NRXN3: variants seen among roughly 807,000 people sequenced by gnomAD.
NRXN3 encodes the protein neurexin 3, also known as neurexin III.
NRXN3 carries 32 observed loss-of-function variants against 137.6 expected under a neutral mutation model. The observed-to-expected ratio is 0.23, with a 90% CI of 0.18 to 0.31. The LOEUF (loss-of-function observed/expected upper bound fraction) is 0.31, where lower values mean the gene tolerates loss of function less well. Among genes scored for constraint, NRXN3 ranks in the 10% least tolerant of loss-of-function variants. The probability of loss-of-function intolerance (pLI) is 1.00; values close to 1 mark genes in which losing one functional copy is unlikely to be tolerated. For synonymous variants in NRXN3, 798 were observed against 784.5 expected (o/e 1.02, Z -0.29); for missense variants, 1,574 against 2,062.5 (o/e 0.76, Z 4.59).
At chr14:79,745,225 G>T (rs546210675) in intron 19 of NRXN3, among the ~76,000 whole-genome samples, 1 of 152,182 alleles carries the variant, frequency 6.6e-6, no homozygotes, top group East Asian at 1.9e-4. Flanking sequence ...GCCATCCTCA[G>T]AAATAGGCTC....
At chr14:78,880,769 G>T (rs1036703074) in intron 10 of NRXN3, among the ~76,000 whole-genome samples, 14 of 152,022 alleles carry the variant, frequency 9.2e-5, no homozygotes, top group Non-Finnish European at 1.8e-4. Flanking sequence ...ATGTATTTAC[G>T]CATATGGTAC....
At chr14:78,692,672 T>C (rs1216284191) in intron 6 of NRXN3, among the ~76,000 whole-genome samples, 1 of 152,196 alleles carries the variant, frequency 6.6e-6, no homozygotes, top group Non-Finnish European at 1.5e-5. Flanking sequence ...CATAAAAGCT[T>C]TGTGAGCTTG....
At chr14:79,544,028 T>G (rs1235520104) in intron 16 of NRXN3, among the ~76,000 whole-genome samples, 1 of 152,194 alleles carries the variant, frequency 6.6e-6, no homozygotes, top group Non-Finnish European at 1.5e-5. Context: ...AATGCAAATG[T>G]TGAAACATTG....
intron 15 of NRXN3, among the ~76,000 whole-genome samples, chr14:79,238,717 G>A (rs1319099542): frequency 1.3e-5 from 2 of 152,216 alleles, no homozygotes; most frequent in East Asian, 3.9e-4. Flanking sequence ...CGGCTTCTAA[G>A]GCAGGTGGTT....
chr14:78,608,841 T>A (rs2152460898), intron 4 of NRXN3, among the ~76,000 whole-genome samples: 1 of 152,224 alleles, frequency 6.6e-6, no homozygotes, highest in East Asian at 1.9e-4. Context: ...GATTTAGACA[T>A]GGGGATCACT....
At position 79,861,913 on chromosome 14, in the gene NRXN3, G is replaced by A. The variant is rs754484520; in HGVS notation, c.4665G>A (p.Ser1555=). Residue 1555 remains serine (S), a synonymous_variant, in exon 21 of 21, where the codon TCG becomes TCA. Transcript: ENST00000335750. The surrounding 1 kb of genome is among the most constrained non-coding windows in gnomAD (Gnocchi z 5.4). ...GTLMKEKQQS[S]KSGHKKQKNK... is the part of the protein sequence containing the mutation. The stretch of plus-strand genomic sequence containing the variant: ...TCATGAAGGAGAAGCAGCAGAGCTC[G>A]AAGAGCGGCCACAAGAAACAGAAAA... 13 of 1,613,744 alleles carry A rather than the reference G, an allele frequency of 8.1e-6. No individual in the cohort carries two copies. The highest frequency in any genetic ancestry group is 3.3e-5 in the South Asian group (3 of 91,066).
At chr14:79,733,039 TTGTCATAAATCTACTACTGTGACAAAAC>T (rs1423896297) in intron 19 of NRXN3, among the ~76,000 whole-genome samples, 1 of 151,910 alleles carries the variant, frequency 6.6e-6, no homozygotes, top group African/African-American at 2.4e-5. Flanking sequence ...AATTAAATCT[TTGTCATAAATCTACTACTGTGACAAAAC>T]TGCAAAATAT....
At chr14:79,094,719 C>T (rs1216208962) in intron 15 of NRXN3, among the ~76,000 whole-genome samples, 1 of 151,996 alleles carries the variant, frequency 6.6e-6, no homozygotes, top group Non-Finnish European at 1.5e-5. Context: ...TTTTGAATGA[C>T]AGTAAATATC....
At chr14:79,721,038 A>G (rs74063999) in intron 19 of NRXN3, among the ~76,000 whole-genome samples, 5,341 of 152,224 alleles carry the variant, frequency 0.035, 311 homozygotes, top group African/African-American at 0.12. Context: ...TTATCTGTAT[A>G]TGAGTTCTAT....
At chr14:79,683,504 C>T (rs2098680833) in intron 17 of NRXN3, among the ~76,000 whole-genome samples, 1 of 152,142 alleles carries the variant, frequency 6.6e-6, no homozygotes, top group African/African-American at 2.4e-5. Context: ...TTAAAGAGAC[C>T]TGCCTGTGTT....
chr14:78,572,365 G>T (rs2096897584), intron 4 of NRXN3, among the ~76,000 whole-genome samples: 1 of 152,150 alleles, frequency 6.6e-6, no homozygotes, highest in African/African-American at 2.4e-5. Context: ...CATAGCCACT[G>T]GGTAGCCCAT....
intron 15 of NRXN3, among the ~76,000 whole-genome samples, chr14:79,372,011 A>G (rs567249108): frequency 4.3e-4 from 66 of 152,306 alleles, no homozygotes; most frequent in Non-Finnish European, 7.5e-4. Context: ...ACTTTACTTC[A>G]TTTGTTGAAC....
At chr14:78,723,794 ATT>A (rs4016660) in intron 8 of NRXN3, among the ~76,000 whole-genome samples, 110,463 of 151,898 alleles carry the variant, frequency 0.73, 40,566 homozygotes, top group Admixed American at 0.79. Context: ...TTTTTACTCC[ATT>A]TTTTTTTTTC....
chr14:78,432,601 A>G (rs2093928135), intron 4 of NRXN3, among the ~76,000 whole-genome samples: 1 of 152,224 alleles, frequency 6.6e-6, no homozygotes, highest in African/African-American at 2.4e-5. Flanking sequence ...GCAAGCTCCT[A>G]TGCCTCAGGT....
At chr14:79,553,955 G>A (rs2097401507) in intron 16 of NRXN3, among the ~76,000 whole-genome samples, 1 of 152,132 alleles carries the variant, frequency 6.6e-6, no homozygotes, top group Admixed American at 6.6e-5. Flanking sequence ...TTCTGCTGCA[G>A]GGTTAATTTA....
At chr14:78,705,320 G>T (rs1016002828) in intron 6 of NRXN3, among the ~76,000 whole-genome samples, 1 of 152,186 alleles carries the variant, frequency 6.6e-6, no homozygotes, top group African/African-American at 2.4e-5. Context: ...CTTGTAAGGG[G>T]GTCCAGCAGG....
At chr14:79,027,852 C>A (rs2099601123) in intron 15 of NRXN3, among the ~76,000 whole-genome samples, 1 of 152,154 alleles carries the variant, frequency 6.6e-6, no homozygotes, top group African/African-American at 2.4e-5. Context: ...CCCTCTTCCC[C>A]TCTTCCCCCA....
intron 19 of NRXN3, among the ~76,000 whole-genome samples, chr14:79,783,887 G>A (rs778360221): frequency 1.6e-4 from 25 of 152,060 alleles, no homozygotes; most frequent in Non-Finnish European, 2.6e-4. Context: ...CACTGCCCTT[G>A]TAATGCAAAA....
intron 16 of NRXN3, among the ~76,000 whole-genome samples, chr14:79,478,061 G>A (rs1251179008): frequency 6.6e-6 from 1 of 151,842 alleles, no homozygotes; most frequent in Non-Finnish European, 1.5e-5. Flanking sequence ...GCTAGAGGTG[G>A]GGGCCTAGAG....
Sources: allele counts gnomAD v4.1 joint callset (sites outside exome capture counted in the v4.1 genomes callset), GRCh38; gene constraint gnomAD v4.1.1; non-coding constraint Gnocchi (gnomAD v3.1); transcripts MANE v1.5; gene names NCBI Gene and HGNC (gene_info 2026-07-23, HGNC 2026-07-21).